The following SRGAP2 variants were observed in gnomAD, a reference collection of about 807,000 sequenced individuals.
SRGAP2 encodes SLIT-ROBO Rho GTPase-activating protein 2.
SRGAP2 carries 15 observed loss-of-function variants against 57.2 expected under a neutral mutation model. The observed-to-expected ratio is 0.26, with a 90% CI of 0.18 to 0.40. The LOEUF (loss-of-function observed/expected upper bound fraction) is 0.40, where lower values mean the gene tolerates loss of function less well. Ranked by LOEUF, SRGAP2 falls within the 10% of genes least tolerant of loss-of-function variation. SRGAP2 has a pLI of 1.00. For synonymous variants in SRGAP2, 249 were observed against 248.0 expected (o/e 1.00, Z -0.04); for missense variants, 520 against 669.6 (o/e 0.78, Z 2.47).
intron 15 of SRGAP2, among the ~76,000 whole-genome samples, chr1:206,437,385 G>A (rs782389035): frequency 6.6e-6 from 1 of 152,188 alleles, no homozygotes; most frequent in Admixed American, 6.5e-5. Context: ...GTTCATTGTA[G>A]CCCATTTATT....
At chr1:206,260,884 T>G (rs1553313398) in intron 2 of SRGAP2, among the ~76,000 whole-genome samples, 3 of 152,240 alleles carry the variant, frequency 2.0e-5, no homozygotes. Flanking sequence ...GCCAGTTGGT[T>G]TTGTTGGTTG....
chr1:206,430,323 C>A lies in SRGAP2; in HGVS notation c.1555+101C>A. On this transcript the variant is annotated intron_variant, in intron 14 of 22. Coordinates refer to ENST00000573034, the MANE Select transcript of SRGAP2 (RefSeq NM_015326.5). Reference sequence around the variant, plus strand: ...AATAGAGATTGACTTCCCATCCTGGCATTCTCAGAAAAGGAATAAATTCTT... The same window carrying A: ...AATAGAGATTGACTTCCCATCCTGGAATTCTCAGAAAAGGAATAAATTCTT... The A allele has an allele frequency of 4.1e-6, 3 of 731,860 alleles. No homozygotes were observed. In the South Asian group the frequency reaches 4.3e-5, roughly 10 times the overall value. 45.3% of individuals were successfully genotyped at this position (731,860 alleles called of 1,614,324 possible). A position where few individuals can be genotyped will look rare whatever the true frequency, so the allele number is the denominator to read the frequency against.
At chr1:206,341,113 T>G (rs1169010746) in intron 3 of SRGAP2, among the ~76,000 whole-genome samples, 2 of 152,250 alleles carry the variant, frequency 1.3e-5, no homozygotes, top group Non-Finnish European at 2.9e-5. Context: ...TATTCTGAAG[T>G]CCAAGTAAGT....
chr1:206,287,049 A>G (rs1454867776), intron 2 of SRGAP2, among the ~76,000 whole-genome samples: 2 of 152,200 alleles, frequency 1.3e-5, no homozygotes, highest in African/African-American at 4.8e-5. Context: ...GCACTGTTCA[A>G]AAGGTGGAAG....
intron 18 of SRGAP2, among the ~76,000 whole-genome samples, chr1:206,449,994 C>A (rs1256299772): frequency 6.6e-6 from 1 of 152,192 alleles, no homozygotes; most frequent in Non-Finnish European, 1.5e-5. Context: ...TTTTCGAATC[C>A]AGTTTTATCT....
At chr1:206,263,001 A>G (rs1163064669) in intron 2 of SRGAP2, among the ~76,000 whole-genome samples, 2 of 143,474 alleles carry the variant, frequency 1.4e-5, no homozygotes, top group Admixed American at 7.0e-5. Context: ...TACCTGAATC[A>G]TTTACCTTGT....
intron 2 of SRGAP2, among the ~76,000 whole-genome samples, chr1:206,275,728 T>C (rs1670371896): frequency 6.6e-6 from 1 of 150,990 alleles, no homozygotes; most frequent in African/African-American, 2.4e-5. Context: ...GTGATTCTCC[T>C]GCCTCAGCCT....
At chr1:206,347,100 A>G (rs1403901390) in intron 4 of SRGAP2, among the ~76,000 whole-genome samples, 3 of 147,730 alleles carry the variant, frequency 2.0e-5, no homozygotes, top group African/African-American at 7.5e-5. Flanking sequence ...ACTTAAAAAA[A>G]ATTAGCTAGG....
intron 21 of SRGAP2, chr1:206,455,454 A>G (rs1663751117): frequency 4.6e-6 from 1 of 219,288 alleles, no homozygotes; most frequent in Non-Finnish European, 9.2e-6. Flanking sequence ...TCGTGCAAAG[A>G]TTCAGAGTCT....
At chr1:206,206,263 G>C in intron 2 of SRGAP2, 1 of 495,322 alleles carries the variant, frequency 2.0e-6, no homozygotes, top group Non-Finnish European at 3.7e-6. Context: ...GAGTATCTTT[G>C]TGGGGCTGAC....
intron 19 of SRGAP2, among the ~76,000 whole-genome samples, chr1:206,450,750 G>A (rs1663198212): frequency 6.6e-6 from 1 of 152,282 alleles, no homozygotes; most frequent in East Asian, 1.9e-4. Context: ...GCAGCATGAT[G>A]TTGGTCCCTT....
intron 18 of SRGAP2, among the ~76,000 whole-genome samples, 180 bp downstream of exon 18, chr1:206,446,479 A>G (rs1230342999): frequency 2.0e-5 from 3 of 152,192 alleles, no homozygotes; most frequent in African/African-American, 7.2e-5. Context: ...CACAGACTAA[A>G]TGCCACTTCT....
At chr1:206,436,839 C>T in intron 14 of SRGAP2, 126 bp from the exon 15 acceptor site, 2 of 700,088 alleles carry the variant, frequency 2.9e-6, no homozygotes, top group Non-Finnish European at 5.3e-6. Flanking sequence ...CTCCTTTGGC[C>T]TAAAGAAGAG....
At position 206,289,587 on chromosome 1, in the gene SRGAP2, TTTTTTTTGGTGTTTTGTTTTG is replaced by T. The variant is rs1248644660; in HGVS notation, c.68-13686_68-13666del. On this transcript the variant is annotated intron_variant, in intron 2 of 22. Transcript: ENST00000573034. ...CCACCGCGCCCAGCTGGACTGTTTT[TTTTTTTTGGTGTTTTGTTTTG>T]TTTTTTTAAACTTAACCACTAATAA... Among the ~76,000 whole-genome samples the T allele has an allele frequency of 4.6e-5, 7 of 151,604 alleles. No homozygotes were observed. The East Asian group carries it at 1.4e-3, about 29-fold the overall frequency.
chr1:206,363,529 C>T (rs534748906), intron 4 of SRGAP2, among the ~76,000 whole-genome samples: 52 of 152,078 alleles, frequency 3.4e-4, no homozygotes, highest in Admixed American at 2.6e-3. Flanking sequence ...TCACTTGTTG[C>T]CTTGCTAATG....
intron 2 of SRGAP2, among the ~76,000 whole-genome samples, chr1:206,268,039 T>C (rs1669967156): frequency 1.3e-5 from 2 of 148,536 alleles, no homozygotes; most frequent in Admixed American, 1.3e-4. Context: ...TTGGGAAAAT[T>C]TTAACAAAAG....
chr1:206,244,378 C>G (rs1345361252), intron 2 of SRGAP2, among the ~76,000 whole-genome samples: 1 of 90,858 alleles, frequency 1.1e-5, no homozygotes, highest in Non-Finnish European at 2.2e-5. Context: ...ATTCTCCTGC[C>G]TCAGCCTCCC....
At chr1:206,334,801 C>G (rs1558319051) in intron 3 of SRGAP2, among the ~76,000 whole-genome samples, 1 of 151,018 alleles carries the variant, frequency 6.6e-6, no homozygotes, top group Non-Finnish European at 1.5e-5. Flanking sequence ...CTGCCTCAGT[C>G]ATTTCCCAAG....
intron 5 of SRGAP2, among the ~76,000 whole-genome samples, chr1:206,388,207 G>A (rs1553349103): frequency 6.6e-6 from 1 of 151,700 alleles, no homozygotes; most frequent in African/African-American, 2.4e-5. Context: ...TATTCCAGAG[G>A]CCTTATGCTT....
Sources: allele counts gnomAD v4.1 joint callset (sites outside exome capture counted in the v4.1 genomes callset), GRCh38; gene constraint gnomAD v4.1.1; transcripts MANE v1.5; gene names NCBI Gene and HGNC (gene_info 2026-07-23, HGNC 2026-07-21).